PLA2G6: variants seen among roughly 807,000 people sequenced by gnomAD.
PLA2G6 encodes the protein 85/88 kDa calcium-independent phospholipase A2.
A neutral mutation model predicts 83.8 loss-of-function variants in PLA2G6; 62 were observed. The observed-to-expected ratio is 0.74, with a 90% confidence interval of 0.60 to 0.91. The LOEUF (loss-of-function observed/expected upper bound fraction) is 0.91. Ranked by LOEUF, PLA2G6 falls within the 40% of genes least tolerant of loss-of-function variation. The pLI is 0.00. For synonymous variants in PLA2G6, 417 were observed against 449.8 expected, an observed-to-expected ratio of 0.93 and a Z score of 0.92; for missense variants, 944 against 1,102.0, an observed-to-expected ratio of 0.86 and a Z score of 2.03.
At chr22:38,176,377 C>T (rs753683014) in intron 1 of PLA2G6, among the ~76,000 whole-genome samples, 3 of 152,112 alleles carry the variant, frequency 2.0e-5, no homozygotes, top group Non-Finnish European at 2.9e-5. Flanking sequence ...GGCTTGGCCA[C>T]GTGGGGGATT....
At chr22:38,121,746 TGAA>T (rs772794350) in intron 11 of PLA2G6, among the ~76,000 whole-genome samples, 30 of 152,304 alleles carry the variant, frequency 2.0e-4, no homozygotes, top group South Asian at 4.1e-4. Flanking sequence ...AAATGGTCCC[TGAA>T]GAAGGACGTG....
At chr22:38,122,610 T>A (rs2087587595) in intron 11 of PLA2G6, among the ~76,000 whole-genome samples, 1 of 152,186 alleles carries the variant, frequency 6.6e-6, no homozygotes, top group East Asian at 1.9e-4. Flanking sequence ...ACGTCATCCC[T>A]CCCCACCTGG....
chr22:38,168,723 G>A (rs1474633849), intron 2 of PLA2G6, among the ~76,000 whole-genome samples: 4 of 152,188 alleles, frequency 2.6e-5, no homozygotes, highest in African/African-American at 9.7e-5. Flanking sequence ...GGTGGTGGGT[G>A]CCTGTAATCC....
At chr22:38,125,222 ATGTGTGCATG>A (rs931411135) in intron 10 of PLA2G6, among the ~76,000 whole-genome samples, 5 of 151,838 alleles carry the variant, frequency 3.3e-5, no homozygotes, top group African/African-American at 1.2e-4. Context: ...GTGTGTTTGC[ATGTGTGCATG>A]TGTGTGCGTG....
intron 12 of PLA2G6, chr22:38,116,534 G>T: frequency 4.4e-6 from 2 of 459,038 alleles, no homozygotes; most frequent in South Asian, 1.7e-5. Flanking sequence ...AAAGGGGGCC[G>T]CACCAACACA....
chr22:38,116,533 C>T (rs187548999), intron 12 of PLA2G6: 3 of 459,566 alleles, frequency 6.5e-6, no homozygotes, highest in Admixed American at 2.5e-5. Flanking sequence ...AAAAGGGGGC[C>T]GCACCAACAC....
At chr22:38,177,486 G>T (rs2090682333) in intron 1 of PLA2G6, among the ~76,000 whole-genome samples, 1 of 133,722 alleles carries the variant, frequency 7.5e-6, no homozygotes, top group Non-Finnish European at 1.6e-5. Context: ...TTTTGAGACA[G>T]AGTTTCACTC....
At chr22:38,125,331 TGTGTGC>T (rs1195952606) in intron 10 of PLA2G6, among the ~76,000 whole-genome samples, 6 of 152,046 alleles carry the variant, frequency 3.9e-5, no homozygotes. Context: ...TGTGCGTGTG[TGTGTGC>T]GTGTGCCCGC....
In PLA2G6 at chr22:38,143,223, T is replaced by C. The variant is rs1023910028; in HGVS notation, c.491A>G (p.Asp164Gly). ...TPLHLACRKG[D>G]GEILVELVQY... The stretch of plus-strand genomic sequence containing the variant: ...CACCAGCTCCACCAGGATCTCCCCA[T>C]CACCCTTGCGGCAGGCCAGGTGCAG... The change falls in exon 4 of 17, where the codon GAT (aspartate) becomes GGT (glycine). Residue 164 changes from aspartate (D) to glycine (G), a missense_variant. Coordinates refer to ENST00000332509, the MANE Select transcript of PLA2G6 (RefSeq NM_003560.4). The C allele has an allele frequency of 6.2e-7, 1 of 1,614,126 alleles. No homozygotes were observed. The highest frequency in any genetic ancestry group is 8.5e-7 in the Non-Finnish European group (1 of 1,180,016).
chr22:38,115,488 G>A (rs2087133024), intron 14 of PLA2G6, 39 bp downstream of exon 14: 2 of 1,588,902 alleles, frequency 1.3e-6, no homozygotes, highest in Non-Finnish European at 1.7e-6. Context: ...TTGGCTCCAG[G>A]GAGCAGTGGG....
chr22:38,153,405 C>T (rs918294619), intron 2 of PLA2G6, among the ~76,000 whole-genome samples: 8 of 152,176 alleles, frequency 5.3e-5, no homozygotes, highest in Admixed American at 1.3e-4. Flanking sequence ...AAGTGTGAAG[C>T]GACAGCCTTG....
In PLA2G6 at chr22:38,143,463, G is replaced by A. The variant is rs539954000; in HGVS notation, c.426-175C>T. 1.3e-5 allele frequency: 9 copies of A among 700,538 alleles called. No homozygotes were observed. The Admixed American group carries it at 1.8e-4, about 14-fold the overall frequency. The allele number at this position is 700,538 out of a possible 1,614,324, so 43.4% of individuals were successfully genotyped here. A position where few individuals can be genotyped will look rare whatever the true frequency, so the allele number is the denominator to read the frequency against. ...GGCTGATTTGAATGTAATTATATCT[G>A]ATGTGACCTGTATCAGGTTTCTGTT... is the stretch of plus-strand genomic sequence containing the variant. On this transcript the variant is annotated intron_variant, in intron 3 of 16. Transcript: ENST00000332509.
At chr22:38,160,857 C>G (rs943789098) in intron 2 of PLA2G6, among the ~76,000 whole-genome samples, 1 of 151,768 alleles carries the variant, frequency 6.6e-6, no homozygotes, top group African/African-American at 2.4e-5. Flanking sequence ...AAAAAAAAAG[C>G]CTTTATCATA....
Position 38,112,519 on chromosome 22 carries a change from C to T in PLA2G6, c.2261G>A (p.Gly754Asp), listed in dbSNP as rs764789953. 1 of 1,555,692 alleles carries T rather than the reference C, an allele frequency of 6.4e-7. No individual in the cohort carries two copies. The change falls in exon 16 of 17, where the codon GGC becomes GAC. Residue 754 changes from glycine (G) to aspartate (D), a missense_variant. Transcript: ENST00000332509. ...DRARAWCEMV[G>D]IQYFRLNPQL... ...GAGCCCTCACCTGAAGTACTGGATGCCGACCATCTCGCACCAGGCCCGTGC... is the reference window on the plus strand; with the variant it reads ...GAGCCCTCACCTGAAGTACTGGATGTCGACCATCTCGCACCAGGCCCGTGC...
At chr22:38,175,267 G>A (rs1375150210) in intron 1 of PLA2G6, among the ~76,000 whole-genome samples, 2 of 152,150 alleles carry the variant, frequency 1.3e-5, no homozygotes, top group Non-Finnish European at 2.9e-5. Context: ...TGAATGCTCA[G>A]AGCACCAGAG....
chr22:38,133,175 G>GCCCC, intron 6 of PLA2G6, 162 bp from the exon 7 acceptor site: 1 of 664,498 alleles, frequency 1.5e-6, no homozygotes, highest in Non-Finnish European at 2.6e-6. Context: ...TTCTAGGGGG[G>GCCCC]CCTAGACTGC....
intron 2 of PLA2G6, among the ~76,000 whole-genome samples, chr22:38,152,657 A>G (rs1316436876): frequency 1.3e-5 from 2 of 152,214 alleles, no homozygotes; most frequent in African/African-American, 2.4e-5. Context: ...TCTATGTATA[A>G]TACTCAGACT....
chr22:38,160,129 C>T (rs2089951893), intron 2 of PLA2G6, among the ~76,000 whole-genome samples: 1 of 152,146 alleles, frequency 6.6e-6, no homozygotes. Context: ...ATCACTGTAT[C>T]AAAAAGTGCT....
At chr22:38,120,507 GGGCAGGGCAGAGCCA>G (rs1193091248) in intron 12 of PLA2G6, among the ~76,000 whole-genome samples, 8 of 146,424 alleles carry the variant, frequency 5.5e-5, no homozygotes, top group South Asian at 2.1e-4. Context: ...GGGCAGAGCC[GGGCAGGGCAGAGCCA>G]GGCAGGGCAG....
Sources: allele counts gnomAD v4.1 joint callset (sites outside exome capture counted in the v4.1 genomes callset), GRCh38; gene constraint gnomAD v4.1.1; transcripts MANE v1.5; gene names NCBI Gene and HGNC (gene_info 2026-07-23, HGNC 2026-07-21).